Variants in ZDHHC21 observed in about 807,000 individuals in gnomAD.
ZDHHC21 encodes zDHHC palmitoyltransferase 21.
Under a neutral mutation model 34.6 loss-of-function variants are expected in ZDHHC21, and 15 were observed. The observed-to-expected ratio is 0.43, with a 90% CI of 0.29 to 0.67. The LOEUF is 0.67. Ranked by LOEUF, ZDHHC21 falls within the 30% of genes least tolerant of loss-of-function variation. ZDHHC21 has a pLI of 0.14. For synonymous variants in ZDHHC21, 142 were observed against 101.8 expected, an observed-to-expected ratio of 1.40 and a Z score of -2.38; for missense variants, 344 against 327.7, an observed-to-expected ratio of 1.05 and a Z score of -0.38.
In ZDHHC21 at chr9:14,614,527, T is replaced by C. The variant is rs1823859643; in HGVS notation, c.*4439A>G. ...GAATTACAACACTGGTTCAAAATAG[T>C]TCAAGCAAGTTGGTTCTAATACTTT... On this transcript the variant is annotated 3_prime_UTR_variant, in exon 10 of 10. Coordinates refer to ENST00000380916, the MANE Select transcript of ZDHHC21 (RefSeq NM_178566.6). 1.3e-5 allele frequency: 2 copies of C among 151,730 alleles called. No individual in the cohort carries two copies. The highest frequency in any genetic ancestry group is 3.0e-5 in the Non-Finnish European group (2 of 67,742). The allele number at this position is 151,730 out of a possible 1,614,324, so 9.4% of individuals were successfully genotyped here. A position where few individuals can be genotyped will look rare whatever the true frequency, so the allele number is the denominator to read the frequency against.
In ZDHHC21 at chr9:14,611,542, C is replaced by A. The variant is rs558681221; in HGVS notation, c.*7424G>T. 26 of 152,068 alleles carry A rather than the reference C, an allele frequency of 1.7e-4. No individual in the cohort carries two copies. The highest frequency in any genetic ancestry group is 7.9e-4 in the Admixed American group (12 of 15,242). The allele number at this position is 152,068 out of a possible 1,614,324, so 9.4% of individuals were successfully genotyped here. On this transcript the variant is annotated 3_prime_UTR_variant, in exon 10 of 10. Transcript: ENST00000380916. ...ATGTACTGAATAATAAAATGCCTGA[C>A]AAATTTAAAAACAGGATCTTCTTAT...
At chr9:14,658,075 C>G (rs1832599608) in intron 7 of ZDHHC21, among the ~76,000 whole-genome samples, 2 of 152,150 alleles carry the variant, frequency 1.3e-5, no homozygotes, top group Non-Finnish European at 2.9e-5. Context: ...AAAAAAAGTT[C>G]TCTTTCTCAA....
At chr9:14,638,711 A>G (rs7859698) in intron 8 of ZDHHC21, among the ~76,000 whole-genome samples, 2,064 of 152,152 alleles carry the variant, frequency 0.014, 56 homozygotes, top group African/African-American at 0.047. Context: ...GGCATAGGAC[A>G]TGAATATGCA....
At chr9:14,599,540 C>T in the ZDHHC21 span, among the ~76,000 whole-genome samples, 8 of 151,928 alleles carry the variant, frequency 5.3e-5, no homozygotes, top group African/African-American at 1.7e-4. Context: ...AGACACTGAG[C>T]TAGCTGCAGG....
intron 8 of ZDHHC21, among the ~76,000 whole-genome samples, chr9:14,634,351 T>C (rs4601430): frequency 0.028 from 4,290 of 152,268 alleles, 202 homozygotes; most frequent in African/African-American, 0.099. Flanking sequence ...GCCTGGCGCA[T>C]TGCTGCCACT....
In ZDHHC21 at chr9:14,611,505, T is replaced by C. The variant is rs1823292424; in HGVS notation, c.*7461A>G. ...CAATGCAAGGAAAACAGCACTCAGA[T>C]CTATACATATTATGTACTGAATAAT... On this transcript the variant is annotated 3_prime_UTR_variant, in exon 10 of 10. Coordinates refer to ENST00000380916, the MANE Select transcript of ZDHHC21 (RefSeq NM_178566.6). The C allele has an allele frequency of 6.6e-6, 1 of 151,980 alleles. No individual in the cohort carries two copies. The highest frequency in any genetic ancestry group is 2.4e-5 in the African/African-American group (1 of 41,422). 9.4% of individuals were successfully genotyped at this position (151,980 alleles called of 1,614,324 possible).
chr9:14,658,127 T>C (rs961348987), intron 7 of ZDHHC21, among the ~76,000 whole-genome samples: 1 of 152,186 alleles, frequency 6.6e-6, no homozygotes, highest in Non-Finnish European at 1.5e-5. Flanking sequence ...ACATTCTGCA[T>C]TTTTATTCCT....
At chr9:14,630,383 C>T (rs1371051804) in intron 8 of ZDHHC21, among the ~76,000 whole-genome samples, 1 of 152,198 alleles carries the variant, frequency 6.6e-6, no homozygotes, top group East Asian at 1.9e-4. Flanking sequence ...AATTCGGTCA[C>T]ATCTTCCACT....
intron 8 of ZDHHC21, among the ~76,000 whole-genome samples, chr9:14,631,125 C>T (rs1339322980): frequency 6.6e-6 from 1 of 152,174 alleles, no homozygotes; most frequent in Non-Finnish European, 1.5e-5. Context: ...CATCTTCTTC[C>T]AATAGAAGGC....
intron 7 of ZDHHC21, among the ~76,000 whole-genome samples, chr9:14,658,471 T>TTTTC (rs1832709379): frequency 1.7e-5 from 2 of 116,804 alleles, no homozygotes; most frequent in Non-Finnish European, 3.5e-5. Context: ...TTTCTTTTTT[T>TTTTC]TTTTTTTTTT....
chr9:14,655,745 A>C (rs1306919583), intron 7 of ZDHHC21, among the ~76,000 whole-genome samples: 4 of 151,908 alleles, frequency 2.6e-5, no homozygotes, highest in Non-Finnish European at 5.9e-5. Flanking sequence ...CCAAAACAGG[A>C]AAGAAAAGGA....
At chr9:14,609,078 A>G (rs1371317715), downstream of ZDHHC21, among the ~76,000 whole-genome samples, 2 of 120,836 alleles carry the variant, frequency 1.7e-5, no homozygotes, top group Non-Finnish European at 3.9e-5. Flanking sequence ...ACCTTCCCCA[A>G]TTGTTTCCTC....
Position 14,658,862 on chromosome 9 carries a change from T to C in ZDHHC21, c.391A>G (p.Asn131Asp). Residue 131 changes from asparagine to aspartate, a missense_variant, in exon 7 of 10, where the codon AAT becomes GAT. By Grantham distance (23) the Asn-to-Asp change is conservative. Transcript: ENST00000380916. ...CACAACTGCAGAAAGAGCCAATGAT[T>C]ATCTTCACCAACACAATTGTTAATC... ...PWINNCVGED[N>D]HWLFLQLCFY... The C allele has an allele frequency of 6.2e-7, 1 of 1,613,072 alleles. No homozygotes were observed.
At chr9:14,639,536 C>A (rs1322056362) in intron 8 of ZDHHC21, among the ~76,000 whole-genome samples, 8 of 151,944 alleles carry the variant, frequency 5.3e-5, no homozygotes, top group Non-Finnish European at 1.2e-4. Context: ...ATGATAAATA[C>A]TCAAGGTGAT....
At chr9:14,642,915 T>C (rs1829630514) in intron 7 of ZDHHC21, among the ~76,000 whole-genome samples, 1 of 152,008 alleles carries the variant, frequency 6.6e-6, no homozygotes, top group South Asian at 2.1e-4. Context: ...TACAGATAAA[T>C]TCATAAAACA....
chr9:14,591,655 A>C, the ZDHHC21 span, among the ~76,000 whole-genome samples: 1 of 152,184 alleles, frequency 6.6e-6, no homozygotes, highest in African/African-American at 2.4e-5. Flanking sequence ...CTTCATACAA[A>C]TTGAGACATA....
intron 2 of ZDHHC21, among the ~76,000 whole-genome samples, chr9:14,688,476 T>C (rs564446501): frequency 6.6e-6 from 1 of 150,684 alleles, no homozygotes; most frequent in Non-Finnish European, 1.5e-5. Flanking sequence ...GATCATACCA[T>C]GTTGGGAGGT....
Position 14,672,936 on chromosome 9 carries a change from A to G in ZDHHC21, c.155-8T>C. The stretch of plus-strand genomic sequence containing the variant: ...TGGAAATGCCATAGAATACTTTAAA[A>G]TAAATAAATTAAATAAATTAGTCAC... On this transcript the variant is annotated splice_polypyrimidine_tract_variant and splice_region_variant and intron_variant, in intron 4 of 9. Transcript: ENST00000380916. The G allele has an allele frequency of 6.6e-7, 1 of 1,521,836 alleles. No homozygotes were observed. The highest frequency in any genetic ancestry group is 8.9e-7 in the Non-Finnish European group (1 of 1,118,274). The allele number at this position is 1,521,836 out of a possible 1,614,324, so 94.3% of individuals were successfully genotyped here. A position where few individuals can be genotyped will look rare whatever the true frequency, so the allele number is the denominator to read the frequency against.
At chr9:14,687,732 A>T (rs1359501946) in intron 2 of ZDHHC21, among the ~76,000 whole-genome samples, 1 of 150,930 alleles carries the variant, frequency 6.6e-6, no homozygotes, top group East Asian at 1.9e-4. Flanking sequence ...AAAAAATTGG[A>T]ACAACAAAAC....
Sources: allele counts gnomAD v4.1 joint callset (sites outside exome capture counted in the v4.1 genomes callset), GRCh38; gene constraint gnomAD v4.1.1; transcripts MANE v1.5; gene names NCBI Gene and HGNC (gene_info 2026-07-23, HGNC 2026-07-21).